NACC2: variants seen among roughly 807,000 people sequenced by gnomAD.
The protein encoded by NACC2 is NACC family member 2, also known as nucleus accumbens-associated protein 2.
Under a neutral mutation model 25.1 loss-of-function variants are expected in NACC2, and 8 were observed. That is an observed-to-expected ratio of 0.32 (90% CI 0.19 to 0.57). The LOEUF is 0.57. Ranked by LOEUF, NACC2 falls within the 20% of genes least tolerant of loss-of-function variation. The probability of loss-of-function intolerance (pLI) is 0.89; values close to 1 mark genes in which losing one functional copy is unlikely to be tolerated. For missense variants in NACC2, 644 were observed against 650.2 expected (o/e 0.99, Z 0.10); for synonymous variants, 435 against 294.7 (o/e 1.48, Z -4.88).
intron 1 of NACC2, among the ~76,000 whole-genome samples, chr9:136,092,646 G>A (rs778205126): frequency 6.6e-6 from 1 of 152,210 alleles, no homozygotes; most frequent in African/African-American, 2.4e-5. Flanking sequence ...CTGGGCCACT[G>A]AGGCAGGGAC....
At chr9:136,079,423 C>A (rs926257716) in intron 1 of NACC2, among the ~76,000 whole-genome samples, 3 of 152,200 alleles carry the variant, frequency 2.0e-5, no homozygotes, top group Non-Finnish European at 4.4e-5. Context: ...ACTCCGGGGG[C>A]CCTGCAGGTG....
At chr9:136,026,633 C>A (rs1372200593) in intron 2 of NACC2, among the ~76,000 whole-genome samples, 3 of 152,162 alleles carry the variant, frequency 2.0e-5, no homozygotes, top group African/African-American at 7.2e-5. Flanking sequence ...TAAATATAAA[C>A]ACAATGATGT....
intron 1 of NACC2, among the ~76,000 whole-genome samples, chr9:136,091,832 T>TA (rs60751608): frequency 0.28 from 40,897 of 148,682 alleles, 5,716 homozygotes; most frequent in East Asian, 0.42. Context: ...AGGATTTGCT[T>TA]AAAAAAAAAA....
Position 136,016,252 on chromosome 9 carries a change from G to C in NACC2, c.1051+13C>G. ...ACATTTGCATACAATAGATGGGTGG[G>C]AGGCAGCCTCACCTGCCACCAGCTC... is the stretch of plus-strand genomic sequence containing the variant. On this transcript the variant is annotated intron_variant, in intron 3 of 5. Coordinates refer to ENST00000277554, the MANE Select transcript of NACC2 (RefSeq NM_144653.5). The C allele has an allele frequency of 6.2e-7, 1 of 1,612,548 alleles. No homozygotes were observed. The highest frequency in any genetic ancestry group is 1.3e-5 in the African/African-American group (1 of 75,022).
intron 1 of NACC2, among the ~76,000 whole-genome samples, chr9:136,067,942 C>T (rs749730449): frequency 9.9e-5 from 15 of 152,214 alleles, no homozygotes; most frequent in Non-Finnish European, 2.2e-4. Context: ...TGTTACTGTA[C>T]TGAATAGCAT....
intron 1 of NACC2, among the ~76,000 whole-genome samples, chr9:136,056,563 C>A (rs2131167563): frequency 6.6e-6 from 1 of 152,268 alleles, no homozygotes; most frequent in South Asian, 2.1e-4. Flanking sequence ...ACGACCCTGA[C>A]CTGCCAGGGC....
intron 1 of NACC2, among the ~76,000 whole-genome samples, chr9:136,080,400 AC>A (rs1344045101): frequency 2.0e-5 from 3 of 152,058 alleles, no homozygotes; most frequent in African/African-American, 7.2e-5. Context: ...GGTATTAAAA[AC>A]GTCTCTATTA....
In NACC2 at chr9:136,008,343, G is replaced by A. The variant is rs1224643320; in HGVS notation, c.*3173C>T. ...TGGGGAAGAGGAAGGCAGGGCAGGAGAGGCGGCTAGATCCCAGGCCCACCA... is the reference window on the plus strand; with the variant it reads ...TGGGGAAGAGGAAGGCAGGGCAGGAAAGGCGGCTAGATCCCAGGCCCACCA... On this transcript the variant is annotated 3_prime_UTR_variant, in exon 6 of 6. Transcript: ENST00000277554. 6.6e-6 allele frequency: 1 copy of A among 152,446 alleles called. No homozygotes were observed. Among genetic ancestry groups the A allele is most frequent in the African/African-American group, 2.4e-5 (1 of 41,462 alleles). The allele number at this position is 152,446 out of a possible 1,614,324, so 9.4% of individuals were successfully genotyped here.
At chr9:136,066,525 A>G (rs1346738032) in intron 1 of NACC2, among the ~76,000 whole-genome samples, 2 of 152,210 alleles carry the variant, frequency 1.3e-5, no homozygotes, top group East Asian at 3.8e-4. Flanking sequence ...ATGTAAAGAG[A>G]TGTAGCGATC....
chr9:136,059,431 C>A (rs1323783144), intron 1 of NACC2, among the ~76,000 whole-genome samples: 1 of 152,194 alleles, frequency 6.6e-6, no homozygotes, highest in Admixed American at 6.5e-5. Flanking sequence ...CCAGACCTGG[C>A]GCTCCTGAGA....
chr9:136,011,530 C>T lies in NACC2; in HGVS notation c.1750G>A (p.Ala584Thr). Residue 584 changes from alanine to threonine, a missense_variant, in exon 6 of 6, where the codon GCA becomes ACA. Transcript: ENST00000277554. ...AAARRPEGTY[A>T]GTL Reference sequence around the variant, plus strand: ...CCCAGCTCCGCTTACAAGGTCCCTGCATAGGTGCCCTCCGGCCTCCGGGCC... The same window carrying T: ...CCCAGCTCCGCTTACAAGGTCCCTGTATAGGTGCCCTCCGGCCTCCGGGCC... The T allele has an allele frequency of 7.1e-7, 1 of 1,407,334 alleles. No individual in the cohort carries two copies. The highest frequency in any genetic ancestry group is 9.2e-7 in the Non-Finnish European group (1 of 1,086,864). 87.2% of individuals were successfully genotyped at this position (1,407,334 alleles called of 1,614,324 possible).
chr9:136,044,327 C>G (rs1040616640), intron 2 of NACC2, among the ~76,000 whole-genome samples: 1 of 152,116 alleles, frequency 6.6e-6, no homozygotes, highest in African/African-American at 2.4e-5. Flanking sequence ...GCCACCTGGA[C>G]AATATAGCGA....
Position 136,058,008 on chromosome 9 carries a change from G to T in NACC2, c.-59-7428C>A, listed in dbSNP as rs1162346277. ...TGCATATCATGCCATAAATAGTGAG[G>T]CGAGGTAAGACACAAAGCTCCCCTG... On this transcript the variant is annotated intron_variant, in intron 1 of 5. Transcript: ENST00000277554. 1.1e-4 allele frequency among the ~76,000 whole-genome samples: 17 copies of T among 152,178 alleles called. No homozygotes were observed. In the East Asian group the frequency reaches 3.3e-3, roughly 29 times the overall value.
At chr9:136,069,695 C>T (rs1385914613) in intron 1 of NACC2, among the ~76,000 whole-genome samples, 1 of 151,760 alleles carries the variant, frequency 6.6e-6, no homozygotes, top group African/African-American at 2.4e-5. Context: ...TCAAATAAAG[C>T]ATATTTCAGA....
chr9:136,081,428 G>T (rs1830322797), intron 1 of NACC2, among the ~76,000 whole-genome samples: 1 of 152,208 alleles, frequency 6.6e-6, no homozygotes, highest in Admixed American at 6.5e-5. Flanking sequence ...CCTCCCAGCT[G>T]GGAACTCAGC....
At chr9:136,043,956 C>T (rs1840682914) in intron 2 of NACC2, among the ~76,000 whole-genome samples, 1 of 152,132 alleles carries the variant, frequency 6.6e-6, no homozygotes, top group Non-Finnish European at 1.5e-5. Context: ...TCCAGAGTAG[C>T]TGGGACTACA....
In NACC2 at chr9:136,086,929, T is replaced by A. The variant is rs1049671038; in HGVS notation, c.-60+8260A>T. ...TCCCACACCACACCGGGGGTTCGCA[T>A]CTACCTGACCCTTTGAATGCGGCCT... On this transcript the variant is annotated intron_variant, in intron 1 of 5. Coordinates refer to ENST00000277554, the MANE Select transcript of NACC2 (RefSeq NM_144653.5). The surrounding 1 kb of genome is among the most constrained non-coding windows in gnomAD (Gnocchi z 5.6). Among the ~76,000 whole-genome samples, 3 of 152,228 alleles carry A rather than the reference T, an allele frequency of 2.0e-5. No individual in the cohort carries two copies. Among genetic ancestry groups the A allele is most frequent in the African/African-American group, 7.2e-5 (3 of 41,454 alleles).
chr9:136,015,869 G>A lies in NACC2; in HGVS notation c.1051+396C>T, dbSNP rs111932824. 8.8e-3 allele frequency among the ~76,000 whole-genome samples: 1,348 copies of A among 152,334 alleles called. 19 individuals carry two copies. Among genetic ancestry groups the A allele is most frequent in the African/African-American group, 0.031 (1,269 of 41,560 alleles). ...CCCCCACGGGCTTCTGGACTCGGAC[G>A]TGTTTGTTCTGCCAGAAGGATCCCG... is the stretch of plus-strand genomic sequence containing the variant. On this transcript the variant is annotated intron_variant, in intron 3 of 5. Transcript: ENST00000277554.
In NACC2 at chr9:136,011,870, C is replaced by T; in HGVS notation, c.1410G>A (p.Met470Ile). The change falls in exon 6 of 6, where the codon ATG becomes ATA. Residue 470 changes from methionine to isoleucine, a missense_variant. Coordinates refer to ENST00000277554, the MANE Select transcript of NACC2 (RefSeq NM_144653.5). The part of the protein sequence containing the change: ...PEGVEMYRTV[M>I]GSAAASVPLD... ...GGGGCACGCTGGCGGCGGCGGAGCC[C>T]ATGACCGTGCGGTACATCTCCACGC... The T allele has an allele frequency of 1.3e-6, 2 of 1,567,370 alleles. No homozygotes were observed. The highest frequency in any genetic ancestry group is 1.7e-6 in the Non-Finnish European group (2 of 1,160,208).
Sources: gnomAD v4.1 joint callset for allele counts (sites outside exome capture counted in the v4.1 genomes callset) on GRCh38, gnomAD v4.1.1 for gene constraint, Gnocchi (gnomAD v3.1) non-coding constraint, MANE v1.5 for transcripts, NCBI Gene and HGNC (gene_info 2026-07-23, HGNC 2026-07-21) for gene names.